NALCN: variants seen among roughly 807,000 people sequenced by gnomAD.
NALCN encodes sodium leak channel, non-selective.
In NALCN, 111 loss-of-function variants were observed where a neutral mutation model predicts 225.3. That is an observed-to-expected ratio of 0.49 (90% confidence interval 0.42 to 0.58). The LOEUF is 0.58. Ranked by LOEUF, NALCN falls within the 20% of genes least tolerant of loss-of-function variation. The probability of loss-of-function intolerance (pLI) is 0.00; values close to 1 mark genes in which losing one functional copy is unlikely to be tolerated. For missense variants in NALCN, 1,378 were observed against 2,202.4 expected (o/e 0.63, Z 7.49); for synonymous variants, 764 against 769.0 (o/e 0.99, Z 0.11).
rs575279523 is a variant in NALCN at position 101,227,095 on chromosome 13, C to T, written c.1626+2298G>A. 3.3e-5 allele frequency among the ~76,000 whole-genome samples: 5 copies of T among 152,312 alleles called. No homozygotes were observed. The South Asian group carries it at 1.0e-3, about 32-fold the overall frequency. On this transcript the variant is annotated intron_variant, in intron 13 of 43. Transcript: ENST00000251127. Reference sequence around the variant, plus strand: ...CCTTTGCCTCCTGCCTGTACTGTTGCAGTGAGGGAACAAAGTCTTGATTGT... The same window carrying T: ...CCTTTGCCTCCTGCCTGTACTGTTGTAGTGAGGGAACAAAGTCTTGATTGT...
chr13:101,376,473 C>T (rs1347148124), intron 6 of NALCN, among the ~76,000 whole-genome samples: 3 of 151,938 alleles, frequency 2.0e-5, no homozygotes, highest in African/African-American at 7.2e-5. Context: ...ACCGAGATCG[C>T]GCCACTGCAC....
At chr13:101,332,880 A>T (rs9585674) in intron 7 of NALCN, among the ~76,000 whole-genome samples, 1 of 152,220 alleles carries the variant, frequency 6.6e-6, no homozygotes, top group Non-Finnish European at 1.5e-5. Context: ...GTACACACGC[A>T]CACACTCAGA....
At chr13:101,191,772 A>G (rs1566409613) in intron 14 of NALCN, 145 bp downstream of exon 14, 1 of 711,974 alleles carries the variant, frequency 1.4e-6, no homozygotes, top group Non-Finnish European at 2.2e-6. Context: ...GAAACTTAGA[A>G]TGGAAGGAGG....
intron 1 of NALCN, among the ~76,000 whole-genome samples, chr13:101,401,069 T>G (rs2139516243): frequency 6.6e-6 from 1 of 152,318 alleles, no homozygotes; most frequent in South Asian, 2.1e-4. Context: ...GTCAGGTATT[T>G]CTTTATAGAA....
chr13:101,336,042 G>A (rs9554772), intron 7 of NALCN, among the ~76,000 whole-genome samples: 69,883 of 151,566 alleles, frequency 0.46, 16,502 homozygotes, highest in Admixed American at 0.55. Flanking sequence ...GTAATAAGAG[G>A]CAAATTATAA....
intron 15 of NALCN, among the ~76,000 whole-genome samples, chr13:101,157,472 G>C (rs894197012): frequency 6.6e-6 from 1 of 152,096 alleles, no homozygotes; most frequent in Admixed American, 6.6e-5. Flanking sequence ...ACTGTGCCTG[G>C]GGATGCCCTA....
intron 13 of NALCN, among the ~76,000 whole-genome samples, chr13:101,219,139 A>G (rs534782817): frequency 6.6e-6 from 1 of 152,278 alleles, no homozygotes; most frequent in Admixed American, 6.5e-5. Context: ...TTCAAACAAC[A>G]ATTAAGAGAA....
At chr13:101,073,056 T>A (rs1351176102) in intron 37 of NALCN, among the ~76,000 whole-genome samples, 2 of 152,186 alleles carry the variant, frequency 1.3e-5, no homozygotes, top group Non-Finnish European at 2.9e-5. Context: ...TAGCTGGCTG[T>A]CTTAGCTTAA....
intron 13 of NALCN, among the ~76,000 whole-genome samples, chr13:101,211,098 C>A (rs968981483): frequency 2.6e-5 from 4 of 152,080 alleles, no homozygotes; most frequent in Non-Finnish European, 5.9e-5. Flanking sequence ...TTTAATAACA[C>A]GGTCATGTTT....
chr13:101,381,552 G>A lies in NALCN; in HGVS notation c.292-2899C>T, dbSNP rs113225405. On this transcript the variant is annotated intron_variant, in intron 3 of 43. Coordinates refer to ENST00000251127, the MANE Select transcript of NALCN (RefSeq NM_052867.4). ...CTAAATTTGATTAATACCCAAGAAG[G>A]TAATAGAAGATGAATTATTTAAAGT... is the stretch of plus-strand genomic sequence containing the variant. Among the ~76,000 whole-genome samples, 812 of 152,090 alleles carry A rather than the reference G, an allele frequency of 5.3e-3. 9 individuals carry two copies. The highest frequency in any genetic ancestry group is 0.018 in the African/African-American group (758 of 41,490).
chr13:101,248,914 G>T (rs952201575), intron 11 of NALCN, among the ~76,000 whole-genome samples: 1 of 152,032 alleles, frequency 6.6e-6, no homozygotes, highest in African/African-American at 2.4e-5. Flanking sequence ...TATGTCATAT[G>T]ATATGTCATA....
At chr13:101,369,033 T>C (rs567241948) in intron 6 of NALCN, 39 of 346,252 alleles carry the variant, frequency 1.1e-4, no homozygotes, top group Non-Finnish European at 1.9e-4. Context: ...AAAGATATTA[T>C]TGATAGATTC....
At chr13:101,086,615 T>C (rs537113089) in intron 30 of NALCN, among the ~76,000 whole-genome samples, 1 of 152,242 alleles carries the variant, frequency 6.6e-6, no homozygotes, top group African/African-American at 2.4e-5. Flanking sequence ...ATTAGAGTTT[T>C]CCTTATACAT....
At chr13:101,116,024 C>T (rs1220585494) in intron 18 of NALCN, among the ~76,000 whole-genome samples, 1 of 152,088 alleles carries the variant, frequency 6.6e-6, no homozygotes, top group African/African-American at 2.4e-5. Flanking sequence ...CATATGTAAT[C>T]CCTTTATTCC....
chr13:101,326,620 G>A (rs948903140), intron 7 of NALCN, among the ~76,000 whole-genome samples: 4 of 152,150 alleles, frequency 2.6e-5, no homozygotes, highest in African/African-American at 9.7e-5. Context: ...TTACATTGTG[G>A]GTTTAGGTAG....
At chr13:101,194,707 A>G (rs1389600392) in intron 13 of NALCN, among the ~76,000 whole-genome samples, 7 of 152,340 alleles carry the variant, frequency 4.6e-5, no homozygotes, top group East Asian at 1.9e-4. Context: ...TCAATTCTCA[A>G]AAAGGAAGAA....
At chr13:101,096,571 C>T (rs2034514471) in intron 27 of NALCN, among the ~76,000 whole-genome samples, 2 of 152,048 alleles carry the variant, frequency 1.3e-5, no homozygotes, top group Admixed American at 6.6e-5. Flanking sequence ...GAGGTGGAGG[C>T]TAAAGGGATG....
At chr13:101,132,901 G>A (rs117124318) in intron 17 of NALCN, among the ~76,000 whole-genome samples, 1,642 of 152,052 alleles carry the variant, frequency 0.011, 21 homozygotes, top group South Asian at 0.054. Context: ...ATGCAAAATC[G>A]AAACTAACCA....
intron 17 of NALCN, among the ~76,000 whole-genome samples, chr13:101,137,155 CAG>C (rs201738678): frequency 0.011 from 1,617 of 152,266 alleles, 20 homozygotes; most frequent in South Asian, 0.05. Context: ...GAGAAGTGTA[CAG>C]AGTTTTCATA....
Sources: allele counts gnomAD v4.1 joint callset (sites outside exome capture counted in the v4.1 genomes callset), GRCh38; gene constraint gnomAD v4.1.1; transcripts MANE v1.5; gene names NCBI Gene and HGNC (gene_info 2026-07-23, HGNC 2026-07-21).